Variants in PLSCR4 observed in about 807,000 individuals in gnomAD.
PLSCR4 encodes phospholipid scramblase 4.
PLSCR4 carries 25 observed loss-of-function variants against 36.3 expected under a neutral mutation model. The observed-to-expected ratio is 0.69, with a 90% CI of 0.50 to 0.96. The LOEUF (loss-of-function observed/expected upper bound fraction) is 0.96. Ranked by LOEUF, PLSCR4 falls within the 40% of genes least tolerant of loss-of-function variation. The pLI, the probability that PLSCR4 is intolerant of heterozygous loss-of-function variation, is 0.00. For synonymous variants in PLSCR4, 122 were observed against 132.9 expected (o/e 0.92, Z 0.56); for missense variants, 408 against 414.7 (o/e 0.98, Z 0.14).
At chr3:146,224,105 T>C (rs1377606949) in intron 1 of PLSCR4, among the ~76,000 whole-genome samples, 1 of 151,900 alleles carries the variant, frequency 6.6e-6, no homozygotes, top group Non-Finnish European at 1.5e-5. Context: ...TTTCTAGAAA[T>C]TTAGACACTC....
intron 1 of PLSCR4, among the ~76,000 whole-genome samples, chr3:146,241,618 C>T (rs1015949765): frequency 1.3e-5 from 2 of 152,010 alleles, no homozygotes; most frequent in Non-Finnish European, 2.9e-5. Flanking sequence ...CAAGAACAAG[C>T]AGAGGAAAAA....
At chr3:146,249,976 A>G (rs2107879933) in intron 1 of PLSCR4, among the ~76,000 whole-genome samples, 1 of 152,314 alleles carries the variant, frequency 6.6e-6, no homozygotes, top group East Asian at 1.9e-4. Flanking sequence ...ATGCAATTGG[A>G]AACTTTGATA....
At chr3:146,245,822 G>C (rs759711583) in intron 1 of PLSCR4, among the ~76,000 whole-genome samples, 2 of 151,954 alleles carry the variant, frequency 1.3e-5, no homozygotes, top group African/African-American at 2.4e-5. Flanking sequence ...TAGTGAATCT[G>C]TAACTAAAAA....
intron 1 of PLSCR4, among the ~76,000 whole-genome samples, chr3:146,244,145 CCA>C (rs2036258015): frequency 6.6e-6 from 1 of 152,138 alleles, no homozygotes; most frequent in Non-Finnish European, 1.5e-5. Context: ...CGTCAAATAA[CCA>C]CAGATTGTCC....
At chr3:146,197,155 G>A (rs1395850278) in intron 6 of PLSCR4, among the ~76,000 whole-genome samples, 1 of 152,166 alleles carries the variant, frequency 6.6e-6, no homozygotes, top group Non-Finnish European at 1.5e-5. Flanking sequence ...AGGCTTGCAA[G>A]TGTTAAACAC....
At chr3:146,218,173 G>GTA (rs1553752703) in intron 3 of PLSCR4, among the ~76,000 whole-genome samples, 1 of 152,098 alleles carries the variant, frequency 6.6e-6, no homozygotes, top group Non-Finnish European at 1.5e-5. Context: ...GTGAAGGTAA[G>GTA]TATGTATTTA....
chr3:146,248,635 A>G (rs2107875260), intron 1 of PLSCR4, among the ~76,000 whole-genome samples: 1 of 152,316 alleles, frequency 6.6e-6, no homozygotes, highest in African/African-American at 2.4e-5. Flanking sequence ...ACCATACATT[A>G]TGTAACCAAT....
At chr3:146,249,637 CATA>C (rs1457714181) in intron 1 of PLSCR4, among the ~76,000 whole-genome samples, 1 of 150,034 alleles carries the variant, frequency 6.7e-6, no homozygotes, top group Non-Finnish European at 1.5e-5. Context: ...TAAAATAAGA[CATA>C]ATTATATATT....
At chr3:146,215,822 T>C (rs2034868883) in intron 3 of PLSCR4, among the ~76,000 whole-genome samples, 1 of 152,224 alleles carries the variant, frequency 6.6e-6, no homozygotes, top group Admixed American at 6.5e-5. Context: ...TCTCCCTAAG[T>C]AAACACAGTT....
At chr3:146,237,004 T>A (rs2035946062) in intron 1 of PLSCR4, among the ~76,000 whole-genome samples, 1 of 149,782 alleles carries the variant, frequency 6.7e-6, no homozygotes, top group Admixed American at 6.6e-5. Flanking sequence ...GATTAAACAA[T>A]CCAATCAAAA....
chr3:146,199,844 C>T lies in PLSCR4; in HGVS notation c.593G>A (p.Cys198Tyr), dbSNP rs753899930. 24 of 1,613,272 alleles carry T rather than the reference C, an allele frequency of 1.5e-5. No homozygotes were observed. Among genetic ancestry groups the T allele is most frequent in the Non-Finnish European group, 1.9e-5 (22 of 1,179,678 alleles). ...TMQRPFRCTC[C>Y]CFCCPSARQE... ...TCTGGCAGAGGGGCAACAGAAGCAA[C>T]AGCAGGTGCATCTGAAGGGTCTCTG... The change falls in exon 6 of 9, where the codon TGT (cysteine) becomes TAT (tyrosine). Residue 198 changes from cysteine to tyrosine, a missense_variant. Transcript: ENST00000354952.
Position 146,214,117 on chromosome 3 carries a change from CTTTTTTTTTTTTT to C in PLSCR4, c.118+6685_118+6697del, listed in dbSNP as rs1300325064. ...GTTTGATTACTGATTTGATATCTTC[CTTTTTTTTTTTTT>C]TTTTTTTTTGAGACGGAGTCTCGCT... On this transcript the variant is annotated intron_variant, in intron 3 of 8. Coordinates refer to ENST00000354952, the MANE Select transcript of PLSCR4 (RefSeq NM_020353.3). 9.0e-5 allele frequency among the ~76,000 whole-genome samples: 5 copies of C among 55,804 alleles called. 2 individuals carry two copies. The East Asian group carries it at 2.0e-3, about 22-fold the overall frequency. 36.6% of individuals were successfully genotyped at this position (55,804 alleles called of 152,430 possible). A position where few individuals can be genotyped will look rare whatever the true frequency, so the allele number is the denominator to read the frequency against.
At chr3:146,220,606 T>G (rs2035088221) in intron 3 of PLSCR4, among the ~76,000 whole-genome samples, 1 of 152,126 alleles carries the variant, frequency 6.6e-6, no homozygotes, top group Non-Finnish European at 1.5e-5. Flanking sequence ...TCATCAATAT[T>G]TGCACAACTT....
intron 1 of PLSCR4, among the ~76,000 whole-genome samples, chr3:146,225,757 G>C (rs1212374671): frequency 6.6e-6 from 1 of 152,188 alleles, no homozygotes; most frequent in Non-Finnish European, 1.5e-5. Context: ...CGCCCACCCG[G>C]AACTCCAGCT....
intron 3 of PLSCR4, among the ~76,000 whole-genome samples, chr3:146,208,570 A>G (rs1447987451): frequency 1.3e-5 from 2 of 152,182 alleles, no homozygotes; most frequent in Non-Finnish European, 2.9e-5. Context: ...TTAGCAAGAA[A>G]ATACAAACAA....
In PLSCR4 at chr3:146,199,986, G is replaced by T. The variant is rs114444125; in HGVS notation, c.451C>A (p.Gln151Lys). 3,201 of 1,612,086 alleles carry T rather than the reference G, an allele frequency of 2.0e-3. 6 individuals are homozygous for T. Among genetic ancestry groups the T allele is most frequent in the Non-Finnish European group, 2.6e-3 (3,045 of 1,178,472 alleles). Residue 151 changes from glutamine (Q) to lysine (K), a missense_variant, in exon 6 of 9, where the codon CAG (glutamine) becomes AAG (lysine). Gln to Lys is a moderately conservative substitution (Grantham distance 53). Transcript: ENST00000354952. ...NRYDIKNNSDQMVYIVTEDTD... is the reference protein window; with the variant it reads ...NRYDIKNNSDKMVYIVTEDTD... ...TCTTCGGTTACAATGTAAACCATCT[G>T]GTCTGAGTTGTTTTTAATATCATAT...
At chr3:146,212,440 T>TC in intron 3 of PLSCR4, among the ~76,000 whole-genome samples, 1 of 145,966 alleles carries the variant, frequency 6.9e-6, no homozygotes, top group Non-Finnish European at 1.5e-5. Context: ...TTGTTTTGTT[T>TC]TTTTTTGTTT....
rs1375475445 is a variant in PLSCR4 at position 146,214,271 on chromosome 3, G to A, written c.118+6544C>T. Among the ~76,000 whole-genome samples, 8 of 52,356 alleles carry A rather than the reference G, an allele frequency of 1.5e-4. 4 individuals are homozygous for A. The East Asian group carries it at 3.3e-3, about 22-fold the overall frequency. The allele number at this position is 52,356 out of a possible 152,430, so 34.3% of individuals were successfully genotyped here. A position where few individuals can be genotyped will look rare whatever the true frequency, so the allele number is the denominator to read the frequency against. On this transcript the variant is annotated intron_variant, in intron 3 of 8. Coordinates refer to ENST00000354952, the MANE Select transcript of PLSCR4 (RefSeq NM_020353.3). ...CAAGTAGCTGGGACTACAGGCGCCC[G>A]CCACTACGCCCGGCTAATTTTTTGT...
intron 1 of PLSCR4, among the ~76,000 whole-genome samples, chr3:146,243,446 T>C (rs570138584): frequency 6.6e-6 from 1 of 152,196 alleles, no homozygotes; most frequent in East Asian, 1.9e-4. Flanking sequence ...ATCTCTAACT[T>C]TAAGAAAAGA....
Sources: allele counts gnomAD v4.1 joint callset (sites outside exome capture counted in the v4.1 genomes callset), GRCh38; gene constraint gnomAD v4.1.1; transcripts MANE v1.5; gene names NCBI Gene and HGNC (gene_info 2026-07-23, HGNC 2026-07-21).